Variants in C12orf42 observed in about 807,000 individuals in gnomAD.
C12orf42 encodes uncharacterized protein C12orf42.
A neutral mutation model predicts 21.6 loss-of-function variants in C12orf42; 25 were observed. The ratio of observed to expected loss-of-function variants is 1.16; its 90% CI spans 0.84 to 1.62. The LOEUF (loss-of-function observed/expected upper bound fraction) is 1.62. C12orf42 is among the 40% of genes most tolerant of loss of function. The pLI is 0.00. For synonymous variants in C12orf42, 174 were observed against 175.0 expected (o/e 0.99, Z 0.05); for missense variants, 483 against 459.3 (o/e 1.05, Z -0.47).
chr12:103,232,116 C>T, the C12orf42 span, among the ~76,000 whole-genome samples: 1 of 152,098 alleles, frequency 6.6e-6, no homozygotes, highest in Non-Finnish European at 1.5e-5. Context: ...GGTGATAAGT[C>T]TGTTTAGGTC....
chr12:103,170,699 C>T, the C12orf42 span, among the ~76,000 whole-genome samples: 2 of 152,106 alleles, frequency 1.3e-5, no homozygotes, highest in Non-Finnish European at 2.9e-5. Flanking sequence ...TCTCTCTCTT[C>T]TCCAACCCCT....
At chr12:103,395,291 A>T (rs1187191636) in intron 3 of C12orf42, among the ~76,000 whole-genome samples, 1 of 152,134 alleles carries the variant, frequency 6.6e-6, no homozygotes, top group African/African-American at 2.4e-5. Flanking sequence ...AATATTTGAA[A>T]TTTAGTAAGA....
the C12orf42 span, among the ~76,000 whole-genome samples, chr12:103,198,232 T>C: frequency 6.6e-6 from 1 of 152,126 alleles, no homozygotes; most frequent in African/African-American, 2.4e-5. Flanking sequence ...GGAGAGGCTG[T>C]GGACAAGCAT....
the C12orf42 span, among the ~76,000 whole-genome samples, chr12:103,112,533 C>T: frequency 6.6e-6 from 1 of 152,140 alleles, no homozygotes; most frequent in East Asian, 1.9e-4. Context: ...TGGTGGCAAG[C>T]ACCTGTAATC....
intron 4 of C12orf42, among the ~76,000 whole-genome samples, chr12:103,343,564 A>AG (rs1324039480): frequency 6.6e-6 from 1 of 152,098 alleles, no homozygotes; most frequent in African/African-American, 2.4e-5. Flanking sequence ...GGATCACCTG[A>AG]GGTCAGGAGT....
intron 4 of C12orf42, among the ~76,000 whole-genome samples, chr12:103,338,544 C>A (rs2041915563): frequency 6.6e-6 from 1 of 152,242 alleles, no homozygotes; most frequent in Non-Finnish European, 1.5e-5. Context: ...GCAATTCTTG[C>A]AGTGCATTTA....
chr12:103,512,158 A>G, the C12orf42 span, among the ~76,000 whole-genome samples: 1 of 152,206 alleles, frequency 6.6e-6, no homozygotes, highest in African/African-American at 2.4e-5. Flanking sequence ...TTCCAGTGAT[A>G]TCTTGGTTCC....
intron 2 of C12orf42, among the ~76,000 whole-genome samples, chr12:103,453,658 T>G (rs1195840485): frequency 6.6e-6 from 1 of 152,142 alleles, no homozygotes; most frequent in Non-Finnish European, 1.5e-5. Flanking sequence ...CTTGCTGTCA[T>G]GGCTTTATTC....
rs1035144503 is a variant in C12orf42, at chr12:103,478,108, C to A, written c.78+241G>T. ...AAATAATAGCAAAGACAACACATTT[C>A]TAAGTTTTCCTAGCATAAATGTAAT... On this transcript the variant is annotated intron_variant, in intron 2 of 5. Transcript: ENST00000548883. The A allele has an allele frequency of 1.3e-4, 51 of 396,512 alleles. 1 individual carries two copies. Among genetic ancestry groups the A allele is most frequent in the Non-Finnish European group, 1.8e-5 (4 of 224,194 alleles). 24.6% of individuals were successfully genotyped at this position (396,512 alleles called of 1,614,324 possible). A position where few individuals can be genotyped will look rare whatever the true frequency, so the allele number is the denominator to read the frequency against.
At chr12:103,128,212 G>A in the C12orf42 span, among the ~76,000 whole-genome samples, 15 of 152,140 alleles carry the variant, frequency 9.9e-5, no homozygotes, top group Non-Finnish European at 1.9e-4. Context: ...GAAGTCCTTG[G>A]TACCTGCTAA....
At chr12:103,509,349 T>C in the C12orf42 span, among the ~76,000 whole-genome samples, 1 of 152,178 alleles carries the variant, frequency 6.6e-6, no homozygotes, top group South Asian at 2.1e-4. Context: ...AGAATCATTT[T>C]CTGGAAGTCC....
At chr12:103,523,040 T>A in the C12orf42 span, among the ~76,000 whole-genome samples, 2 of 152,236 alleles carry the variant, frequency 1.3e-5, no homozygotes, top group African/African-American at 2.4e-5. Context: ...CAAGATTGAA[T>A]GATGTCAGTC....
the C12orf42 span, among the ~76,000 whole-genome samples, chr12:103,156,442 T>G: frequency 1.3e-5 from 2 of 152,122 alleles, no homozygotes; most frequent in Non-Finnish European, 2.9e-5. Context: ...ATTGTAAAAA[T>G]TCACCAAGCT....
the C12orf42 span, among the ~76,000 whole-genome samples, chr12:103,122,972 A>G: frequency 1.8e-4 from 27 of 152,152 alleles, no homozygotes; most frequent in Admixed American, 1.3e-3. Context: ...GGCAGGGGGA[A>G]TAATTATGAA....
the C12orf42 span, among the ~76,000 whole-genome samples, chr12:103,132,048 A>G: frequency 2.0e-5 from 3 of 152,124 alleles, no homozygotes; most frequent in Admixed American, 6.5e-5. Context: ...TATGAGTTAG[A>G]CGTATATGTT....
the C12orf42 span, among the ~76,000 whole-genome samples, chr12:103,149,173 T>C: frequency 7.9e-5 from 12 of 152,144 alleles, no homozygotes; most frequent in African/African-American, 7.2e-5. Context: ...CCTCCTCTCG[T>C]TGATTTTCAA....
At chr12:103,259,508 G>A (rs1490550247) in intron 10 of C12orf42, among the ~76,000 whole-genome samples, 1 of 152,076 alleles carries the variant, frequency 6.6e-6, no homozygotes, top group Non-Finnish European at 1.5e-5. Flanking sequence ...TGAACTCCTG[G>A]CCTCAGGTGA....
At chr12:103,538,192 G>GA in the C12orf42 span, among the ~76,000 whole-genome samples, 32,270 of 152,092 alleles carry the variant, frequency 0.21, 3,752 homozygotes, top group East Asian at 0.4. Context: ...AGTGAAAATG[G>GA]ATGTGCATTC....
intron 4 of C12orf42, among the ~76,000 whole-genome samples, chr12:103,277,850 G>T (rs1448123621): frequency 6.6e-6 from 1 of 151,938 alleles, no homozygotes; most frequent in African/African-American, 2.4e-5. Context: ...CAATCTCCTG[G>T]CCTCGTGATC....
Sources: gnomAD v4.1 joint callset for allele counts (sites outside exome capture counted in the v4.1 genomes callset) on GRCh38, gnomAD v4.1.1 for gene constraint, MANE v1.5 for transcripts, NCBI Gene and HGNC (gene_info 2026-07-23, HGNC 2026-07-21) for gene names.